Variants in USH2A observed in about 807,000 individuals in gnomAD.
USH2A encodes Usher syndrome 2A (autosomal recessive, mild).
Under a neutral mutation model 538.9 loss-of-function variants are expected in USH2A, and 443 were observed. That is an observed-to-expected ratio of 0.82 (90% CI 0.76 to 0.89). USH2A has a LOEUF of 0.89. USH2A is among the 40% of genes least tolerant of loss of function. The pLI is 0.00. For missense variants in USH2A, 6,633 were observed against 6,324.8 expected, an observed-to-expected ratio of 1.05 and a Z score of -1.65; for synonymous variants, 2,413 against 2,273.5, an observed-to-expected ratio of 1.06 and a Z score of -1.75.
Position 216,081,234 on chromosome 1 carries a change from G to T in USH2A, c.5298+2222C>A, listed in dbSNP as rs528194720. Among the ~76,000 whole-genome samples the T allele has an allele frequency of 4.6e-5, 7 of 152,218 alleles. No homozygotes were observed. The South Asian group carries it at 1.5e-3, about 32-fold the overall frequency. ...TACATTATAGTGGCTCAGGTAAGGA[G>T]CAAGTAAGTTAACTAGAAAGTGGGC... is the stretch of plus-strand genomic sequence containing the variant. On this transcript the variant is annotated intron_variant, in intron 26 of 71. Transcript: ENST00000307340.
At chr1:216,000,684 T>C in intron 32 of USH2A, 122 bp from the exon 33 acceptor site, 1 of 1,241,754 alleles carries the variant, frequency 8.1e-7, no homozygotes, top group Non-Finnish European at 1.2e-6. Flanking sequence ...TATGAATAAA[T>C]AGCCATAAAA....
chr1:215,734,293 A>G (rs1450357592), intron 60 of USH2A, among the ~76,000 whole-genome samples: 2 of 152,166 alleles, frequency 1.3e-5, no homozygotes, highest in African/African-American at 2.4e-5. Flanking sequence ...GATGTGGGGA[A>G]CAGTTCGCAA....
rs2031795126 is a variant in USH2A, at chr1:216,077,631, TCA to T, written c.5572+456_5572+457del. On this transcript the variant is annotated intron_variant, in intron 27 of 71. Coordinates refer to ENST00000307340, the MANE Select transcript of USH2A (RefSeq NM_206933.4). ...TATATTTCTTATATAATTATGTATC[TCA>T]CATATAATTGCATTACATATTTAAA... 2.7e-5 allele frequency among the ~76,000 whole-genome samples: 4 copies of T among 146,360 alleles called. 1 individual carries two copies. The highest frequency in any genetic ancestry group is 6.0e-5 in the Non-Finnish European group (4 of 66,900).
intron 10 of USH2A, among the ~76,000 whole-genome samples, chr1:216,289,743 A>C (rs899707619): frequency 3.3e-5 from 5 of 152,096 alleles, no homozygotes; most frequent in African/African-American, 1.2e-4. Context: ...ATCTAAACTC[A>C]ATACAGCAGG....
At chr1:216,238,559 CTG>C (rs1572080460) in intron 13 of USH2A, among the ~76,000 whole-genome samples, 1 of 152,154 alleles carries the variant, frequency 6.6e-6, no homozygotes, top group East Asian at 1.9e-4. Flanking sequence ...TTTTTAACCT[CTG>C]TTCAAGTTAT....
At chr1:216,389,671 CAG>C (rs1053551413) in intron 3 of USH2A, among the ~76,000 whole-genome samples, 9 of 152,164 alleles carry the variant, frequency 5.9e-5, no homozygotes, top group African/African-American at 2.2e-4. Context: ...GCTAATGAAA[CAG>C]AAAGTAAATA....
rs746647503 is a variant in USH2A at position 215,888,562 on chromosome 1, T to C, written c.8087A>G (p.Tyr2696Cys). 1 of 1,614,162 alleles carries C rather than the reference T, an allele frequency of 6.2e-7. No homozygotes were observed. Among genetic ancestry groups the C allele is most frequent in the South Asian group, 1.1e-5 (1 of 91,086 alleles). Residue 2696 changes from tyrosine to cysteine, a missense_variant, in exon 41 of 72, where the codon TAT becomes TGT. Coordinates refer to ENST00000307340, the MANE Select transcript of USH2A (RefSeq NM_206933.4). ...KTSALSPWTKYEYRVLMSTLH... is the reference protein window; with the variant it reads ...KTSALSPWTKCEYRVLMSTLH... ...AGTGCTCATCAGTACCCGATATTCA[T>C]ATTTTGTCCATGGGCTAAGAGCAGA...
rs778727825 is a variant in USH2A at position 216,078,319 on chromosome 1, C to T, written c.5342G>A (p.Ser1781Asn). The T allele has an allele frequency of 2.5e-6, 4 of 1,613,676 alleles. No homozygotes were observed. Among genetic ancestry groups the T allele is most frequent in the Non-Finnish European group, 3.4e-6 (4 of 1,179,688 alleles). ...SGILTFRLNT[S>N]LAFTQVDLLL... ...TAGATCCACTTGTGTAAAGGCAAGA[C>T]TGGTATTTAACCGGAAGGTCAATAT... Residue 1781 changes from serine to asparagine, a missense_variant, in exon 27 of 72, where the codon AGT (serine) becomes AAT (asparagine). By Grantham distance (46) the Ser-to-Asn change is conservative. Transcript: ENST00000307340.
At chr1:215,977,585 C>A (rs1275351965) in intron 35 of USH2A, among the ~76,000 whole-genome samples, 1 of 152,122 alleles carries the variant, frequency 6.6e-6, no homozygotes. Context: ...CGGCTCACTG[C>A]AACCTCCGCC....
chr1:216,181,670 C>T (rs1250177230), intron 20 of USH2A, among the ~76,000 whole-genome samples: 2 of 152,044 alleles, frequency 1.3e-5, no homozygotes, highest in African/African-American at 4.8e-5. Context: ...CCACCATTCC[C>T]TAAAGTCCAC....
At chr1:216,249,707 T>C (rs555503523) in intron 12 of USH2A, among the ~76,000 whole-genome samples, 48 of 152,174 alleles carry the variant, frequency 3.2e-4, no homozygotes, top group Admixed American at 2.0e-4. Context: ...CACACCTACA[T>C]TCTCTTTATT....
chr1:216,017,036 G>A (rs911232372), intron 32 of USH2A, among the ~76,000 whole-genome samples: 10 of 151,998 alleles, frequency 6.6e-5, no homozygotes, highest in Non-Finnish European at 2.9e-5. Flanking sequence ...TTCTACTCTG[G>A]CTTCCTGAAC....
At chr1:215,888,336 G>A in intron 41 of USH2A, 90 bp downstream of exon 41, 2 of 1,587,182 alleles carry the variant, frequency 1.3e-6, no homozygotes, top group Non-Finnish European at 1.7e-6. Flanking sequence ...AAATGCGTTT[G>A]TTTAGTCAGT....
At chr1:215,724,105 ATATC>A (rs1659741673) in intron 61 of USH2A, among the ~76,000 whole-genome samples, 1 of 151,958 alleles carries the variant, frequency 6.6e-6, no homozygotes, top group Non-Finnish European at 1.5e-5. Context: ...TATATCATCT[ATATC>A]TATATCTATA....
At chr1:216,410,583 A>G (rs578181261) in intron 3 of USH2A, among the ~76,000 whole-genome samples, 17 of 152,236 alleles carry the variant, frequency 1.1e-4, no homozygotes, top group African/African-American at 3.6e-4. Flanking sequence ...TATGGACATC[A>G]GAATATTTTT....
intron 14 of USH2A, among the ~76,000 whole-genome samples, chr1:216,227,475 T>C (rs2035584839): frequency 6.6e-6 from 1 of 152,132 alleles, no homozygotes; most frequent in Non-Finnish European, 1.5e-5. Flanking sequence ...GCAGTTATGA[T>C]ATTACCTATA....
intron 58 of USH2A, among the ~76,000 whole-genome samples, chr1:215,753,765 A>G (rs959508003): frequency 1.1e-4 from 16 of 151,734 alleles, no homozygotes; most frequent in African/African-American, 3.1e-4. Flanking sequence ...TACATATGTA[A>G]CAAACCTGCA....
intron 30 of USH2A, among the ~76,000 whole-genome samples, chr1:216,069,168 T>A (rs2031477321): frequency 6.6e-6 from 1 of 152,166 alleles, no homozygotes. Flanking sequence ...ATATGCAACC[T>A]GTGAAAAGGC....
At chr1:215,698,751 A>C (rs1340542749) in intron 61 of USH2A, among the ~76,000 whole-genome samples, 2 of 152,074 alleles carry the variant, frequency 1.3e-5, no homozygotes, top group Admixed American at 1.3e-4. Flanking sequence ...AGGTTGCAAA[A>C]ATTTTCTCCC....
Sources: allele counts gnomAD v4.1 joint callset (sites outside exome capture counted in the v4.1 genomes callset), GRCh38; gene constraint gnomAD v4.1.1; transcripts MANE v1.5; gene names NCBI Gene and HGNC (gene_info 2026-07-23, HGNC 2026-07-21).